GRIN2B: variants seen among roughly 807,000 people sequenced by gnomAD.
The protein encoded by GRIN2B is glutamate ionotropic receptor NMDA type subunit 2B.
In GRIN2B, 5 loss-of-function variants were observed where a neutral mutation model predicts 114.5. The ratio of observed to expected loss-of-function variants is 0.04; its 90% CI spans 0.02 to 0.09. GRIN2B has a LOEUF of 0.09. GRIN2B is among the 10% of genes least tolerant of loss of function. GRIN2B has a pLI of 1.00. For missense variants in GRIN2B, 1,108 were observed against 1,943.5 expected, an observed-to-expected ratio of 0.57 and a Z score of 8.08; for synonymous variants, 787 against 745.1, an observed-to-expected ratio of 1.06 and a Z score of -0.92.
chr12:13,745,100 A>C (rs1419729573), intron 4 of GRIN2B, among the ~76,000 whole-genome samples: 3 of 152,132 alleles, frequency 2.0e-5, no homozygotes. Flanking sequence ...AAATTGTGCA[A>C]GATCTCATGT....
rs1948381593 is a variant in GRIN2B at position 13,549,157 on chromosome 12, T to C, written c.*13626A>G. ...GATGGATTATATCCTGAGCTTGATA[T>C]CATTCATAAGTGAACAGGTGGGTTG... On this transcript the variant is annotated 3_prime_UTR_variant, in exon 14 of 14. Coordinates refer to ENST00000609686, the MANE Select transcript of GRIN2B (RefSeq NM_000834.5). 6.6e-6 allele frequency: 1 copy of C among 152,186 alleles called. No individual in the cohort carries two copies. The allele number at this position is 152,186 out of a possible 1,614,324, so 9.4% of individuals were successfully genotyped here.
intron 2 of GRIN2B, among the ~76,000 whole-genome samples, chr12:13,868,220 G>A (rs990220668): frequency 6.6e-6 from 1 of 151,086 alleles, no homozygotes; most frequent in Non-Finnish European, 1.5e-5. Context: ...TCATGCCTGA[G>A]CAAAGTTTAC....
At chr12:13,853,529 C>T (rs1424195567) in intron 3 of GRIN2B, among the ~76,000 whole-genome samples, 2 of 152,236 alleles carry the variant, frequency 1.3e-5, no homozygotes, top group Non-Finnish European at 1.5e-5. Context: ...ATCACTGGCA[C>T]TTAAATATTT....
At chr12:13,695,489 A>G (rs951408535) in intron 4 of GRIN2B, among the ~76,000 whole-genome samples, 1 of 152,188 alleles carries the variant, frequency 6.6e-6, no homozygotes, top group African/African-American at 2.4e-5. Flanking sequence ...AAGAGCGAGT[A>G]GTCTACTTGG....
intron 2 of GRIN2B, among the ~76,000 whole-genome samples, chr12:13,878,707 T>C: frequency 6.6e-6 from 1 of 152,176 alleles, no homozygotes; most frequent in Non-Finnish European, 1.5e-5. Context: ...TCCCTGCTTA[T>C]CCTCAGGCCC....
At chr12:13,644,746 G>C (rs1006178127) in intron 5 of GRIN2B, among the ~76,000 whole-genome samples, 36 of 152,132 alleles carry the variant, frequency 2.4e-4, no homozygotes, top group Admixed American at 1.9e-3. Flanking sequence ...ATCAGCACTT[G>C]CTGCTTCACC....
chr12:13,585,580 G>A (rs78045656), intron 10 of GRIN2B, among the ~76,000 whole-genome samples: 4,244 of 152,290 alleles, frequency 0.028, 77 homozygotes, highest in South Asian at 0.068. Flanking sequence ...CATCACAGGA[G>A]AGGACTCGAA....
intron 3 of GRIN2B, among the ~76,000 whole-genome samples, chr12:13,790,446 T>G (rs942567717): frequency 1.3e-5 from 2 of 152,240 alleles, no homozygotes; most frequent in African/African-American, 4.8e-5. Flanking sequence ...AGCTTAATTT[T>G]TAAAAACATT....
In GRIN2B at chr12:13,712,217, C is replaced by T. The variant is rs569075310; in HGVS notation, c.1011-36358G>A. On this transcript the variant is annotated intron_variant, in intron 4 of 13. Transcript: ENST00000609686. Reference sequence around the variant, plus strand: ...ACACAGGAAGGGGAACATCAAACACCGGGGCCTGTTGTAGGGTGGGGGGAA... The same window carrying T: ...ACACAGGAAGGGGAACATCAAACACTGGGGCCTGTTGTAGGGTGGGGGGAA... 2.6e-4 allele frequency among the ~76,000 whole-genome samples: 25 copies of T among 96,180 alleles called. No individual in the cohort carries two copies. In the East Asian group the frequency reaches 4.8e-3, roughly 18 times the overall value. 63.1% of individuals were successfully genotyped at this position (96,180 alleles called of 152,430 possible). A position where few individuals can be genotyped will look rare whatever the true frequency, so the allele number is the denominator to read the frequency against.
intron 3 of GRIN2B, among the ~76,000 whole-genome samples, chr12:13,790,240 T>C (rs892607732): frequency 6.6e-6 from 1 of 152,144 alleles, no homozygotes; most frequent in Admixed American, 6.5e-5. Context: ...TCAATATCAC[T>C]GCAGGAACCT....
At chr12:13,800,187 T>C (rs186462358) in intron 3 of GRIN2B, among the ~76,000 whole-genome samples, 1 of 152,258 alleles carries the variant, frequency 6.6e-6, no homozygotes, top group East Asian at 1.9e-4. Flanking sequence ...TAGAACCTGA[T>C]GACTAACCTA....
chr12:13,739,159 T>G (rs142283418), intron 4 of GRIN2B, among the ~76,000 whole-genome samples: 1,932 of 152,042 alleles, frequency 0.013, 41 homozygotes, highest in African/African-American at 0.044. Flanking sequence ...GACAGGCAGA[T>G]CACCTGAGGT....
intron 3 of GRIN2B, among the ~76,000 whole-genome samples, chr12:13,772,183 A>T (rs746325908): frequency 2.0e-5 from 3 of 152,222 alleles, no homozygotes; most frequent in Non-Finnish European, 4.4e-5. Flanking sequence ...CCGGTCTCAG[A>T]TGGATCAGCT....
chr12:13,775,385 A>G lies in GRIN2B; in HGVS notation c.412-21470T>C, dbSNP rs77270567. Among the ~76,000 whole-genome samples the G allele has an allele frequency of 7.6e-3, 1,155 of 152,246 alleles. 19 individuals carry two copies. The highest frequency in any genetic ancestry group is 0.026 in the African/African-American group (1,079 of 41,544). ...TTTAGGCAAGTTAGCCTCTCTTCCAATGTTTTTCCTTAACTGTGAAGTGAG... is the reference window on the plus strand; with the variant it reads ...TTTAGGCAAGTTAGCCTCTCTTCCAGTGTTTTTCCTTAACTGTGAAGTGAG... On this transcript the variant is annotated intron_variant, in intron 3 of 13. Transcript: ENST00000609686.
intron 2 of GRIN2B, among the ~76,000 whole-genome samples, chr12:13,897,482 C>G (rs1453065312): frequency 1.3e-5 from 2 of 152,138 alleles, no homozygotes; most frequent in Non-Finnish European, 2.9e-5. Context: ...TGACAGAGTA[C>G]AGATTTACAC....
Position 13,753,303 on chromosome 12 carries a change from T to C in GRIN2B, c.1010+14A>G. 7.1e-7 allele frequency: 1 copy of C among 1,403,328 alleles called. No individual in the cohort carries two copies. Among genetic ancestry groups the C allele is most frequent in the Non-Finnish European group, 1.0e-6 (1 of 987,626 alleles). 86.9% of individuals were successfully genotyped at this position (1,403,328 alleles called of 1,614,324 possible). The stretch of plus-strand genomic sequence containing the variant: ...TCATCTCCACCATCAATGTGCCCTC[T>C]GTTCCACACTCACCTATTTAGCATA... On this transcript the variant is annotated intron_variant, in intron 4 of 13. Transcript: ENST00000609686. The surrounding 1 kb of genome is among the most constrained non-coding windows in gnomAD (Gnocchi z 6.2).
rs1950324019 is a variant in GRIN2B, at chr12:13,702,709, G to A, written c.1011-26850C>T. On this transcript the variant is annotated intron_variant, in intron 4 of 13. Transcript: ENST00000609686. Reference sequence around the variant, plus strand: ...TACCCCATAAAGACGGACCCCACAAGAGTTAAAGAGTGGCTTTCCAGGGCT... The same window carrying A: ...TACCCCATAAAGACGGACCCCACAAAAGTTAAAGAGTGGCTTTCCAGGGCT... Among the ~76,000 whole-genome samples, 3 of 152,268 alleles carry A rather than the reference G, an allele frequency of 2.0e-5. 1 individual carries two copies. The highest frequency in any genetic ancestry group is 6.8e-3 in the Middle Eastern group (2 of 294).
At chr12:13,976,991 G>A (rs1863032159) in intron 2 of GRIN2B, among the ~76,000 whole-genome samples, 1 of 152,184 alleles carries the variant, frequency 6.6e-6, no homozygotes, top group Non-Finnish European at 1.5e-5. Flanking sequence ...ATGAAGGTCA[G>A]GGAAGACAGT....
chr12:13,603,266 C>CAATT (rs1239231560), intron 10 of GRIN2B, among the ~76,000 whole-genome samples: 1 of 152,074 alleles, frequency 6.6e-6, no homozygotes, highest in African/African-American at 2.4e-5. Context: ...TATTATGGCT[C>CAATT]AATTAATTAG....
Sources: gnomAD v4.1 joint callset for allele counts (sites outside exome capture counted in the v4.1 genomes callset) on GRCh38, gnomAD v4.1.1 for gene constraint, Gnocchi (gnomAD v3.1) non-coding constraint, MANE v1.5 for transcripts, NCBI Gene and HGNC (gene_info 2026-07-23, HGNC 2026-07-21) for gene names.